POU2F2: variants seen among roughly 807,000 people sequenced by gnomAD.
POU2F2 encodes POU class 2 homeobox 2, also known as POU domain, class 2, transcription factor 2.
Under a neutral mutation model 63.5 loss-of-function variants are expected in POU2F2, and 14 were observed. The ratio of observed to expected loss-of-function variants is 0.22; its 90% CI spans 0.15 to 0.34. POU2F2 has a LOEUF of 0.34. POU2F2 is among the 10% of genes least tolerant of loss of function. POU2F2 has a pLI of 1.00. For synonymous variants in POU2F2, 306 were observed against 348.6 expected, an observed-to-expected ratio of 0.88 and a Z score of 1.36; for missense variants, 607 against 815.2, an observed-to-expected ratio of 0.74 and a Z score of 3.11.
upstream of POU2F2, among the ~76,000 whole-genome samples, chr19:42,135,525 A>G (rs1195571512): frequency 6.6e-6 from 1 of 152,054 alleles, no homozygotes; most frequent in African/African-American, 2.4e-5. Flanking sequence ...CTCCTGCTGC[A>G]GGGCCATGTG....
At chr19:42,129,853 C>A (rs1365907395) in intron 1 of POU2F2, among the ~76,000 whole-genome samples, 1 of 152,196 alleles carries the variant, frequency 6.6e-6, no homozygotes, top group Non-Finnish European at 1.5e-5. Context: ...GAGAGGTGGC[C>A]CCACAGCTGC....
In POU2F2 at chr19:42,095,584, C is replaced by T. The variant is rs1303699037; in HGVS notation, c.981G>A (p.Glu327=). Residue 327 remains glutamate, a synonymous_variant, in exon 10 of 15, where the codon GAG becomes GAA. Coordinates refer to ENST00000692977, the MANE Select transcript of POU2F2 (RefSeq NM_001394376.1). This position sits in a 1 kb window ranked among gnomAD's most constrained non-coding sequence, Gnocchi z 7.1. ...TCTCTAAGGCGAAGCGGACGTTTGT[C>T]TCGATGCTGGTCCTCTTCTTGCGTC... ...GRRRKKRTSI[E]TNVRFALEKS... The T allele has an allele frequency of 6.2e-7, 1 of 1,611,010 alleles. No homozygotes were observed. The highest frequency in any genetic ancestry group is 1.1e-5 in the South Asian group (1 of 90,932).
chr19:42,174,447 G>A (rs1049862713), intron 1 of POU2F2, among the ~76,000 whole-genome samples: 1 of 152,198 alleles, frequency 6.6e-6, no homozygotes, highest in Non-Finnish European at 1.5e-5. Context: ...GCCAAAGAGG[G>A]CCTCCTGAAT....
intron 1 of POU2F2, among the ~76,000 whole-genome samples, chr19:42,172,269 C>T (rs1292721268): frequency 1.3e-5 from 2 of 152,176 alleles, no homozygotes; most frequent in Admixed American, 6.5e-5. Flanking sequence ...TCCAGGCGCC[C>T]AGAATCCTGT....
Position 42,154,557 on chromosome 19 carries a change from G to A in POU2F2, c.-9+5775C>T, listed in dbSNP as rs961815511. On this transcript the variant is annotated intron_variant, in intron 2 of 6. Transcript: ENST00000524801. ...GAGAAGACGCAGATAAAGAGAGAACGGGGGCCAGAGGCAGGGAGAACTAGA... is the reference window on the plus strand; with the variant it reads ...GAGAAGACGCAGATAAAGAGAGAACAGGGGCCAGAGGCAGGGAGAACTAGA... Among the ~76,000 whole-genome samples the A allele has an allele frequency of 5.9e-5, 9 of 152,014 alleles. No individual in the cohort carries two copies. In the South Asian group the frequency reaches 6.3e-4, roughly 11 times the overall value.
At chr19:42,146,994 C>T (rs1362139658) in intron 2 of POU2F2, among the ~76,000 whole-genome samples, 2 of 152,194 alleles carry the variant, frequency 1.3e-5, no homozygotes, top group Admixed American at 1.3e-4. Flanking sequence ...TGGTCTCCTC[C>T]CCGAAGGTGT....
chr19:42,099,641 A>G (rs1448624078), intron 6 of POU2F2, 23 bp from the exon 7 acceptor site: 1 of 1,605,762 alleles, frequency 6.2e-7, no homozygotes. Context: ...GGGGAAATAC[A>G]CAGGGTGAGG....
chr19:42,089,223 GGAGA>G lies in POU2F2; in HGVS notation c.*2030_*2033del, dbSNP rs1202071784. ...TGAGAGAGAAGAGAGGAGAGCAAAG[GGAGA>G]GAGAGGAGACAGGAAGGAGGAGAGG... On this transcript the variant is annotated 3_prime_UTR_variant, in exon 15 of 15. Transcript: ENST00000692977. 6.6e-6 allele frequency: 1 copy of G among 152,438 alleles called. No individual in the cohort carries two copies. Among genetic ancestry groups the G allele is most frequent in the Non-Finnish European group, 1.5e-5 (1 of 68,024 alleles). 9.4% of individuals were successfully genotyped at this position (152,438 alleles called of 1,614,324 possible).
chr19:42,106,055 T>C (rs370695308), intron 5 of POU2F2, among the ~76,000 whole-genome samples: 12 of 132,032 alleles, frequency 9.1e-5, no homozygotes, highest in South Asian at 7.3e-4. Flanking sequence ...TTCTTTCTTC[T>C]TTCTTTCTTT....
chr19:42,126,610 T>C (rs1229768206), intron 1 of POU2F2, among the ~76,000 whole-genome samples: 1 of 152,194 alleles, frequency 6.6e-6, no homozygotes, highest in African/African-American at 2.4e-5. Context: ...GCCTCCGTAA[T>C]TGTGAAAATG....
chr19:42,139,737 G>A (rs12985559), intron 2 of POU2F2, among the ~76,000 whole-genome samples: 2 of 152,150 alleles, frequency 1.3e-5, no homozygotes, highest in Non-Finnish European at 2.9e-5. Context: ...ACTGTGGCCC[G>A]GCCCCAGCTC....
intron 5 of POU2F2, among the ~76,000 whole-genome samples, chr19:42,104,303 T>TC (rs1265574296): frequency 3.3e-5 from 5 of 152,146 alleles, no homozygotes; most frequent in Non-Finnish European, 5.9e-5. Flanking sequence ...AAATTACAAC[T>TC]GCACACAGCC....
At chr19:42,097,675 G>A (rs2076975181) in intron 7 of POU2F2, among the ~76,000 whole-genome samples, 1 of 152,058 alleles carries the variant, frequency 6.6e-6, no homozygotes, top group African/African-American at 2.4e-5. Flanking sequence ...CCAAGCATGT[G>A]GGGCGTGACT....
intron 1 of POU2F2, among the ~76,000 whole-genome samples, chr19:42,128,566 C>T (rs961804939): frequency 6.6e-6 from 1 of 152,144 alleles, no homozygotes; most frequent in African/African-American, 2.4e-5. Flanking sequence ...AGATCATTTC[C>T]ACCAGGAATG....
rs750628061 is a variant in POU2F2, at chr19:42,095,706, G to A, written c.872-13C>T. On this transcript the variant is annotated splice_polypyrimidine_tract_variant and intron_variant, in intron 9 of 14. Coordinates refer to ENST00000692977, the MANE Select transcript of POU2F2 (RefSeq NM_001394376.1). The surrounding 1 kb of genome is among the most constrained non-coding windows in gnomAD (Gnocchi z 7.1). Reference sequence around the variant, plus strand: ...ACAGACATAGTCTCTGTGCGCCGGGGGAGACGTGAGCATGAGAAGGGGCCT... The same window carrying A: ...ACAGACATAGTCTCTGTGCGCCGGGAGAGACGTGAGCATGAGAAGGGGCCT... 1 of 1,611,706 alleles carries A rather than the reference G, an allele frequency of 6.2e-7. No individual in the cohort carries two copies. The highest frequency in any genetic ancestry group is 1.1e-5 in the South Asian group (1 of 91,082).
chr19:42,158,159 C>T (rs2034491403), intron 2 of POU2F2, among the ~76,000 whole-genome samples: 1 of 152,228 alleles, frequency 6.6e-6, no homozygotes, highest in Admixed American at 6.5e-5. Flanking sequence ...TCTTGAACCA[C>T]CTGATATTTT....
At chr19:42,105,572 G>A (rs770471516) in intron 5 of POU2F2, among the ~76,000 whole-genome samples, 7 of 152,066 alleles carry the variant, frequency 4.6e-5, no homozygotes, top group African/African-American at 7.2e-5. Flanking sequence ...TGTGGGTTTC[G>A]TTCTGAATCA....
chr19:42,176,722 C>A (rs541185145), upstream of POU2F2, among the ~76,000 whole-genome samples: 15 of 151,538 alleles, frequency 9.9e-5, no homozygotes, highest in Non-Finnish European at 5.9e-5. Flanking sequence ...GCTGACCCCC[C>A]CCATCCCCAA....
chr19:42,122,203 C>T (rs1214276026), intron 3 of POU2F2, 21 bp from the exon 4 acceptor site: 2 of 1,608,406 alleles, frequency 1.2e-6, no homozygotes, highest in Non-Finnish European at 1.7e-6. Context: ...AAAGTAGGAG[C>T]AAGGGGATGG....
Sources: gnomAD v4.1 joint callset for allele counts (sites outside exome capture counted in the v4.1 genomes callset) on GRCh38, gnomAD v4.1.1 for gene constraint, Gnocchi (gnomAD v3.1) non-coding constraint, MANE v1.5 for transcripts, NCBI Gene and HGNC (gene_info 2026-07-23, HGNC 2026-07-21) for gene names.